KIF1B: variants seen among roughly 807,000 people sequenced by gnomAD.
The protein encoded by KIF1B is kinesin-like protein KIF1B.
A neutral mutation model predicts 241.9 loss-of-function variants in KIF1B; 76 were observed. The ratio of observed to expected loss-of-function variants is 0.31; its 90% CI spans 0.26 to 0.38. The LOEUF (loss-of-function observed/expected upper bound fraction) is 0.38, where lower values mean the gene tolerates loss of function less well. Among genes scored for constraint, KIF1B ranks in the 10% least tolerant of loss-of-function variants. The pLI, the probability that KIF1B is intolerant of heterozygous loss-of-function variation, is 1.00. For synonymous variants in KIF1B, 750 were observed against 796.7 expected (o/e 0.94, Z 0.99); for missense variants, 1,622 against 2,271.4 (o/e 0.71, Z 5.81).
chr1:10,315,226 C>T (rs1390685748), intron 22 of KIF1B, among the ~76,000 whole-genome samples: 1 of 129,700 alleles, frequency 7.7e-6, no homozygotes, highest in Non-Finnish European at 1.5e-5. Context: ...GTTGCCCAGG[C>T]TAGAGCAATG....
intron 43 of KIF1B, among the ~76,000 whole-genome samples, chr1:10,368,107 C>G (rs75541401): frequency 0.032 from 4,796 of 152,150 alleles, 278 homozygotes; most frequent in African/African-American, 0.11. Flanking sequence ...CTTTATTAGA[C>G]ATACATAGAA....
At chr1:10,212,890 G>GTATATATATATATATATATAAGTA (rs1646712338) in intron 1 of KIF1B, among the ~76,000 whole-genome samples, 1 of 109,492 alleles carries the variant, frequency 9.1e-6, no homozygotes. Flanking sequence ...ATGCGTGTGT[G>GTATATATATATATATATATAAGTA]TATATATATA....
At chr1:10,233,619 T>C (rs1647010516) in intron 2 of KIF1B, among the ~76,000 whole-genome samples, 1 of 152,004 alleles carries the variant, frequency 6.6e-6, no homozygotes, top group Admixed American at 6.6e-5. Context: ...GTATGAAAAA[T>C]TGTCAAAGAA....
chr1:10,352,059 G>T (rs987099096), intron 37 of KIF1B, among the ~76,000 whole-genome samples: 74 of 147,662 alleles, frequency 5.0e-4, no homozygotes, highest in Non-Finnish European at 8.8e-4. Context: ...ATTGGAACGG[G>T]GAGGTGTGAA....
chr1:10,289,739 C>T (rs1649894184), intron 15 of KIF1B, among the ~76,000 whole-genome samples: 1 of 152,040 alleles, frequency 6.6e-6, no homozygotes. Flanking sequence ...CAAAAACTTG[C>T]CGGACATAGT....
chr1:10,328,380 G>A (rs1298412321), intron 27 of KIF1B, among the ~76,000 whole-genome samples: 1 of 152,138 alleles, frequency 6.6e-6, no homozygotes, highest in Non-Finnish European at 1.5e-5. Flanking sequence ...GTTTTCCAGT[G>A]GCAAAGGAGC....
rs1650534059 is a variant in KIF1B, at chr1:10,301,397, G to A, written c.2115+4151G>A. ...AATAAAGGAATAGGCTGGGTGCGGT[G>A]GCTCACCCCTGTAATCCCAGCACTT... is the stretch of plus-strand genomic sequence containing the variant. On this transcript the variant is annotated intron_variant, in intron 22 of 48. Coordinates refer to ENST00000676179, the MANE Select transcript of KIF1B (RefSeq NM_001365951.3). 2.0e-5 allele frequency among the ~76,000 whole-genome samples: 3 copies of A among 152,102 alleles called. No individual in the cohort carries two copies. The South Asian group carries it at 6.2e-4, about 32-fold the overall frequency.
intron 22 of KIF1B, among the ~76,000 whole-genome samples, chr1:10,319,081 T>C (rs964856542): frequency 6.6e-6 from 1 of 151,834 alleles, no homozygotes; most frequent in Non-Finnish European, 1.5e-5. Flanking sequence ...GAAGGATACA[T>C]CTGATTTGTA....
intron 7 of KIF1B, among the ~76,000 whole-genome samples, chr1:10,271,042 T>C (rs1306810943): frequency 6.6e-6 from 1 of 152,160 alleles, no homozygotes; most frequent in East Asian, 1.9e-4. Context: ...GCTTCACTTT[T>C]AGTAAGCCAT....
rs949166767 is a variant in KIF1B at position 10,308,142 on chromosome 1, C to T, written c.2115+10896C>T. ...TGCTGTGCCCCAGTGCCTTACTGGT[C>T]CTTTGTAGATTTGCCTTAATGATTT... On this transcript the variant is annotated intron_variant, in intron 22 of 48. Coordinates refer to ENST00000676179, the MANE Select transcript of KIF1B (RefSeq NM_001365951.3). The T allele has an allele frequency of 1.2e-5, 13 of 1,061,256 alleles. No homozygotes were observed. The African/African-American group carries it at 2.1e-4, about 17-fold the overall frequency. 65.7% of individuals were successfully genotyped at this position (1,061,256 alleles called of 1,614,324 possible).
At chr1:10,283,793 G>A (rs541007479) in intron 15 of KIF1B, among the ~76,000 whole-genome samples, 1 of 152,358 alleles carries the variant, frequency 6.6e-6, no homozygotes, top group South Asian at 2.1e-4. Flanking sequence ...AGAAGTTGCA[G>A]TCATGCTGCC....
intron 1 of KIF1B, among the ~76,000 whole-genome samples, chr1:10,221,823 A>G (rs1317711720): frequency 6.6e-6 from 1 of 152,072 alleles, no homozygotes; most frequent in Non-Finnish European, 1.5e-5. Flanking sequence ...TATTGAATTA[A>G]TTAATTAATT....
chr1:10,234,775 GC>G (rs918480822), intron 2 of KIF1B, among the ~76,000 whole-genome samples: 19 of 151,932 alleles, frequency 1.3e-4, no homozygotes, highest in Non-Finnish European at 2.4e-4. Context: ...CCTTGCCTTG[GC>G]CTCCCAAAGT....
chr1:10,223,551 T>G (rs552155497), intron 1 of KIF1B, among the ~76,000 whole-genome samples: 2,323 of 148,756 alleles, frequency 0.016, 18 homozygotes, highest in Admixed American at 0.033. Flanking sequence ...GTTTTGTTTT[T>G]TTTTTTTTTT....
Position 10,294,529 on chromosome 1 carries a change from C to T in KIF1B, c.1591-557C>T, listed in dbSNP as rs540450177. The stretch of plus-strand genomic sequence containing the variant: ...CTGTCATTTTTTCCTTGTGCTTTGA[C>T]CTTATCAAAAATTAGGTCTTGTTTT... On this transcript the variant is annotated intron_variant, in intron 17 of 48. Coordinates refer to ENST00000676179, the MANE Select transcript of KIF1B (RefSeq NM_001365951.3). Among the ~76,000 whole-genome samples, 12 of 152,128 alleles carry T rather than the reference C, an allele frequency of 7.9e-5. 1 individual carries two copies. The highest frequency in any genetic ancestry group is 6.5e-4 in the Admixed American group (10 of 15,272).
intron 22 of KIF1B, among the ~76,000 whole-genome samples, chr1:10,297,737 G>A (rs1262957827): frequency 6.6e-6 from 1 of 151,778 alleles, no homozygotes; most frequent in Non-Finnish European, 1.5e-5. Context: ...TAAAAGTGTT[G>A]CTGCACAGTT....
chr1:10,352,550 A>G, intron 37 of KIF1B, 81 bp from the exon 38 acceptor site: 1 of 1,240,274 alleles, frequency 8.1e-7, no homozygotes, highest in South Asian at 1.2e-5. Context: ...ACAGAGATTT[A>G]AAAGTCTCTT....
rs1638427452 is a variant in KIF1B at position 10,361,684 on chromosome 1, G to T, written c.4171-8G>T. The T allele has an allele frequency of 1.2e-6, 2 of 1,613,414 alleles. No individual in the cohort carries two copies. The highest frequency in any genetic ancestry group is 1.7e-5 in the Admixed American group (1 of 59,984). On this transcript the variant is annotated splice_region_variant and splice_polypyrimidine_tract_variant and intron_variant, in intron 39 of 48. Coordinates refer to ENST00000676179, the MANE Select transcript of KIF1B (RefSeq NM_001365951.3). ...CACTTCATCAGCACCTACCCTGTCT[G>T]CTTTCAGCTGGATCATTGCATCCAG...
chr1:10,273,612 C>T (rs1363893412), intron 10 of KIF1B, among the ~76,000 whole-genome samples: 1 of 145,134 alleles, frequency 6.9e-6, no homozygotes, highest in African/African-American at 2.6e-5. Context: ...GATTGTGTGT[C>T]TGTGGGTAGA....
Sources: gnomAD v4.1 joint callset for allele counts (sites outside exome capture counted in the v4.1 genomes callset) on GRCh38, gnomAD v4.1.1 for gene constraint, MANE v1.5 for transcripts, NCBI Gene and HGNC (gene_info 2026-07-23, HGNC 2026-07-21) for gene names.